TP53BP1: variants seen among roughly 807,000 people sequenced by gnomAD.
The protein encoded by TP53BP1 is TP53-binding protein 1.
In TP53BP1, 61 loss-of-function variants were observed where a neutral mutation model predicts 200.8. The observed-to-expected ratio is 0.30, with a 90% CI of 0.25 to 0.38. TP53BP1 has a LOEUF of 0.38. TP53BP1 is among the 10% of genes least tolerant of loss of function. TP53BP1 has a pLI of 1.00. For synonymous variants in TP53BP1, 822 were observed against 844.3 expected (o/e 0.97, Z 0.46); for missense variants, 2,144 against 2,371.9 (o/e 0.90, Z 2.00).
chr15:43,407,939 G>C lies in TP53BP1; in HGVS notation c.5746+4C>G, dbSNP rs372983329. On this transcript the variant is annotated splice_donor_region_variant and intron_variant, in intron 27 of 27. Coordinates refer to ENST00000382044, the MANE Select transcript of TP53BP1 (RefSeq NM_001141980.3). Reference sequence around the variant, plus strand: ...AAAGACACTACACACACTCTTTCAGGTACCTTTGTTATGGGCACTTGAATG... The same window carrying C: ...AAAGACACTACACACACTCTTTCAGCTACCTTTGTTATGGGCACTTGAATG... The C allele has an allele frequency of 5.6e-6, 9 of 1,610,410 alleles. No homozygotes were observed. The African/African-American group carries it at 1.2e-4, about 22-fold the overall frequency.
intron 15 of TP53BP1, among the ~76,000 whole-genome samples, chr15:43,438,820 C>T (rs1232995779): frequency 1.4e-5 from 2 of 147,420 alleles, no homozygotes; most frequent in Non-Finnish European, 3.0e-5. Context: ...AATATGCAGA[C>T]CTTATTTAGA....
At chr15:43,473,571 G>A (rs1322671100) in intron 10 of TP53BP1, among the ~76,000 whole-genome samples, 4 of 152,082 alleles carry the variant, frequency 2.6e-5, no homozygotes, top group South Asian at 2.1e-4. Context: ...ACAGAGTGCC[G>A]ATTGGTGTAT....
rs1433944234 is a variant in TP53BP1 at position 43,479,939 on chromosome 15, T to C, written c.578A>G (p.Tyr193Cys). The C allele has an allele frequency of 6.2e-7, 1 of 1,614,166 alleles. No homozygotes were observed. Among genetic ancestry groups the C allele is most frequent in the Non-Finnish European group, 8.5e-7 (1 of 1,180,024 alleles). Residue 193 changes from tyrosine (Y) to cysteine (C), a missense_variant, in exon 6 of 28, where the codon TAT becomes TGT. Transcript: ENST00000382044. The stretch of plus-strand genomic sequence containing the variant: ...TTGTAGCTGCTCTTTGTCCACTTCA[T>C]ATGGCACAGTATTTTCCTCAACATC... ...SQDVEENTVPYEVDKEQLQSV... is the reference protein window; with the variant it reads ...SQDVEENTVPCEVDKEQLQSV...
At chr15:43,493,311 C>G (rs1167215698), upstream of TP53BP1, 6 of 1,078,556 alleles carry the variant, frequency 5.6e-6, no homozygotes, top group African/African-American at 1.6e-5. Flanking sequence ...GCAGCATGGA[C>G]GTTGCAGGCC....
intron 24 of TP53BP1, among the ~76,000 whole-genome samples, chr15:43,411,271 A>G (rs1009251935): frequency 3.9e-5 from 6 of 152,230 alleles, no homozygotes; most frequent in African/African-American, 1.4e-4. Flanking sequence ...CTGCCCAGCC[A>G]GATGCTAAAA....
In TP53BP1 at chr15:43,406,706, T is replaced by C; in HGVS notation, c.*677A>G. On this transcript the variant is annotated 3_prime_UTR_variant, in exon 28 of 28. Transcript: ENST00000382044. ...CTTCCAGCTATTGTGACAATAATAA[T>C]AATAATAATATTGGGTCTTTGACTA... 1 of 431,910 alleles carries C rather than the reference T, an allele frequency of 2.3e-6. No individual in the cohort carries two copies. The highest frequency in any genetic ancestry group is 4.6e-6 in the Non-Finnish European group (1 of 218,962). 26.8% of individuals were successfully genotyped at this position (431,910 alleles called of 1,614,324 possible). A position where few individuals can be genotyped will look rare whatever the true frequency, so the allele number is the denominator to read the frequency against.
chr15:43,456,994 A>C lies in TP53BP1; in HGVS notation c.1614T>G (p.Ser538=), dbSNP rs1465486789. The C allele has an allele frequency of 1.2e-6, 2 of 1,614,218 alleles. No individual in the cohort carries two copies. Among genetic ancestry groups the C allele is most frequent in the Admixed American group, 3.3e-5 (2 of 60,018 alleles). Residue 538 remains serine (S), a synonymous_variant, in exon 12 of 28, where the codon TCT becomes TCG. Transcript: ENST00000382044. The part of the protein sequence containing the change: ...SQSPKMESLS[S]HRIDEDGENT... ...TTTCTCCATCTTCATCAATTCTGTGAGAACTCAAGCTCTCCATCTTTGGGG... is the reference window on the plus strand; with the variant it reads ...TTTCTCCATCTTCATCAATTCTGTGCGAACTCAAGCTCTCCATCTTTGGGG...
At chr15:43,448,573 T>G (rs1414570919) in intron 12 of TP53BP1, among the ~76,000 whole-genome samples, 1 of 151,228 alleles carries the variant, frequency 6.6e-6, no homozygotes, top group Non-Finnish European at 1.5e-5. Context: ...GGAGTCTGGC[T>G]CTGTCGCCCA....
intron 10 of TP53BP1, among the ~76,000 whole-genome samples, chr15:43,471,608 A>G (rs2046727734): frequency 6.6e-6 from 1 of 152,104 alleles, no homozygotes; most frequent in Non-Finnish European, 1.5e-5. Flanking sequence ...TTATATTTTT[A>G]GTAGAGATGG....
chr15:43,424,372 C>G (rs1370348763), intron 18 of TP53BP1, among the ~76,000 whole-genome samples: 5 of 152,210 alleles, frequency 3.3e-5, no homozygotes, highest in Non-Finnish European at 7.3e-5. Flanking sequence ...TGCATGAAGA[C>G]CTTAGCTTCA....
rs369109815 is a variant in TP53BP1 at position 43,432,293 on chromosome 15, C to G, written c.3576G>C (p.Gln1192His). The change falls in exon 17 of 28, where the codon CAG becomes CAC. Residue 1192 changes from glutamine to histidine, a missense_variant. Physicochemically the swap from Gln to His is conservative, Grantham distance 24. Transcript: ENST00000382044. The stretch of plus-strand genomic sequence containing the variant: ...CTGTGGCATCTTGCTTTCCAAAGTT[C>G]TGGTCCACTGTACTGGTCCCCTGCT... ...VCEQGTSTVD[Q>H]NFGKQDATVQ... 6.2e-7 allele frequency: 1 copy of G among 1,614,070 alleles called. No individual in the cohort carries two copies. The highest frequency in any genetic ancestry group is 8.5e-7 in the Non-Finnish European group (1 of 1,180,040).
upstream of TP53BP1, among the ~76,000 whole-genome samples, chr15:43,493,941 T>C (rs1024109352): frequency 1.3e-5 from 2 of 152,196 alleles, no homozygotes; most frequent in Non-Finnish European, 2.9e-5. Flanking sequence ...CCACCCCTTC[T>C]AACTAGATGA....
intron 13 of TP53BP1, 30 bp downstream of exon 13, chr15:43,447,336 C>A: frequency 1.3e-6 from 2 of 1,588,720 alleles, no homozygotes; most frequent in South Asian, 1.2e-5. Flanking sequence ...GAAATTCTGC[C>A]TTAAATATCA....
chr15:43,492,130 T>C (rs148082568), intron 2 of TP53BP1, 35 bp from the exon 3 acceptor site: 3 of 1,553,764 alleles, frequency 1.9e-6, no homozygotes, highest in East Asian at 4.5e-5. Flanking sequence ...CCCCATTATA[T>C]ATGAAATAGT....
At chr15:43,420,812 C>T (rs2045378418) in intron 20 of TP53BP1, 77 bp from the exon 21 acceptor site, 3 of 1,401,884 alleles carry the variant, frequency 2.1e-6, no homozygotes, top group Non-Finnish European at 2.9e-6. Context: ...TTTTCCACTC[C>T]TTTGTCCATG....
rs772946420 is a variant in TP53BP1, at chr15:43,404,533, G to A, written c.*2850C>T. ...AGATTATAACAAATACTATACCCAG[G>A]CTGGTGGAACTCTGGGCAGGTAGGA... On this transcript the variant is annotated 3_prime_UTR_variant, in exon 28 of 28. Coordinates refer to ENST00000382044, the MANE Select transcript of TP53BP1 (RefSeq NM_001141980.3). 1 of 1,614,146 alleles carries A rather than the reference G, an allele frequency of 6.2e-7. No homozygotes were observed. The highest frequency in any genetic ancestry group is 8.5e-7 in the Non-Finnish European group (1 of 1,180,018).
At position 43,469,930 on chromosome 15, in the gene TP53BP1, T is replaced by C. The variant is rs1304026764; in HGVS notation, c.1317A>G (p.Thr439=). The C allele has an allele frequency of 5.0e-6, 8 of 1,613,872 alleles. No homozygotes were observed. The African/African-American group carries it at 6.7e-5, about 13-fold the overall frequency. The part of the protein sequence containing the change: ...PESTVSPQAS[T]PISQSTPVFP... ...AGACTGGTGTGCTCTGAGATATTGG[T>C]GTTGAGGCTTGTGGTGATACAGTGG... The change falls in exon 11 of 28, where the codon ACA becomes ACG. Residue 439 remains threonine (T), a synonymous_variant. Coordinates refer to ENST00000382044, the MANE Select transcript of TP53BP1 (RefSeq NM_001141980.3).
intron 12 of TP53BP1, 30 bp downstream of exon 12, chr15:43,455,862 G>A: frequency 6.2e-7 from 1 of 1,607,424 alleles, no homozygotes; most frequent in Non-Finnish European, 8.5e-7. Flanking sequence ...AATTTAGGTG[G>A]AGACAAGAAT....
intron 14 of TP53BP1, among the ~76,000 whole-genome samples, chr15:43,442,357 A>T (rs574936576): frequency 9.2e-5 from 14 of 152,062 alleles, no homozygotes; most frequent in African/African-American, 3.4e-4. Flanking sequence ...AAGTGCTGGG[A>T]TTACAGGCAA....
Sources: allele counts gnomAD v4.1 joint callset (sites outside exome capture counted in the v4.1 genomes callset), GRCh38; gene constraint gnomAD v4.1.1; transcripts MANE v1.5; gene names NCBI Gene and HGNC (gene_info 2026-07-23, HGNC 2026-07-21).